The following ABCC9 variants were observed in gnomAD, a reference collection of about 807,000 sequenced individuals.
ABCC9 encodes the protein ATP-binding cassette sub-family C member 9.
ABCC9 carries 95 observed loss-of-function variants against 188.3 expected under a neutral mutation model. That is an observed-to-expected ratio of 0.50 (90% CI 0.43 to 0.60). The LOEUF (loss-of-function observed/expected upper bound fraction) is 0.60. Ranked by LOEUF, ABCC9 falls within the 20% of genes least tolerant of loss-of-function variation. The probability of loss-of-function intolerance (pLI) is 0.00; values close to 1 mark genes in which losing one functional copy is unlikely to be tolerated. For synonymous variants in ABCC9, 659 were observed against 652.7 expected, an observed-to-expected ratio of 1.01 and a Z score of -0.15; for missense variants, 1,102 against 1,876.3, an observed-to-expected ratio of 0.59 and a Z score of 7.62.
Position 21,852,130 on chromosome 12 carries a change from T to G in ABCC9, c.2736A>C (p.Thr912=). 1 of 1,613,720 alleles carries G rather than the reference T, an allele frequency of 6.2e-7. No individual in the cohort carries two copies. Among genetic ancestry groups the G allele is most frequent in the Non-Finnish European group, 8.5e-7 (1 of 1,179,866 alleles). Residue 912 remains threonine (T), a synonymous_variant, in exon 24 of 40, where the codon ACA becomes ACC. Coordinates refer to ENST00000261200, the MANE Select transcript of ABCC9 (RefSeq NM_020297.4). ...ATTCTTGATCTTGCCGATTCATAAGTGTTTTCCAGTGTTCATAAAGCTCAA... is the reference window on the plus strand; with the variant it reads ...ATTCTTGATCTTGCCGATTCATAAGGGTTTTCCAGTGTTCATAAAGCTCAA... ...KDVELYEHWK[T]LMNRQDQELE... is the part of the protein sequence containing the mutation.
intron 39 of ABCC9, chr12:21,805,031 C>G (rs1015626827): frequency 7.3e-6 from 9 of 1,231,142 alleles, no homozygotes; most frequent in Admixed American, 1.8e-5. Flanking sequence ...CTTGGTTGAG[C>G]TGATTTTGTA....
At chr12:21,885,753 C>T (rs979343880) in intron 15 of ABCC9, among the ~76,000 whole-genome samples, 6 of 152,060 alleles carry the variant, frequency 3.9e-5, no homozygotes, top group Non-Finnish European at 5.9e-5. Flanking sequence ...AAATCACACC[C>T]GTTCAGTAAA....
Position 21,941,084 on chromosome 12 carries a change from CGA to C in ABCC9, c.-137+114_-137+115del, listed in dbSNP as rs1949665882. The C allele has an allele frequency of 6.6e-6, 1 of 152,186 alleles. No homozygotes were observed. The highest frequency in any genetic ancestry group is 1.5e-5 in the Non-Finnish European group (1 of 68,042). The allele number at this position is 152,186 out of a possible 1,614,324, so 9.4% of individuals were successfully genotyped here. The stretch of plus-strand genomic sequence containing the variant: ...CGCGAAAGCTAAGTGCCGAGAAGTG[CGA>C]GAGAGTGCGAGGGCGTTTTTGGATA... On this transcript the variant is annotated intron_variant, in intron 1 of 39. Transcript: ENST00000261200. The surrounding 1 kb of genome is among the most constrained non-coding windows in gnomAD (Gnocchi z 5.4).
At chr12:21,823,522 T>C (rs1943175142) in intron 31 of ABCC9, among the ~76,000 whole-genome samples, 1 of 152,212 alleles carries the variant, frequency 6.6e-6, no homozygotes. Flanking sequence ...TCTCACAAAA[T>C]AGACTCTTGT....
chr12:21,820,368 C>T (rs1942967125), intron 31 of ABCC9, among the ~76,000 whole-genome samples: 1 of 152,044 alleles, frequency 6.6e-6, no homozygotes, highest in Non-Finnish European at 1.5e-5. Context: ...CAGCTGACTT[C>T]ATCCATCCAT....
Position 21,815,832 on chromosome 12 carries a change from A to G in ABCC9, c.3954T>C (p.Cys1318=). The change falls in exon 34 of 40, where the codon TGT becomes TGC. Residue 1318 remains cysteine (C), a synonymous_variant. Coordinates refer to ENST00000261200, the MANE Select transcript of ABCC9 (RefSeq NM_020297.4). ...QEGEIKIHDL[C]VRYENNLKPV... Reference sequence around the variant, plus strand: ...GTTTCAGATTATTTTCATATCTGACACACAGATCATGTATCTTGATCTCCC... The same window carrying G: ...GTTTCAGATTATTTTCATATCTGACGCACAGATCATGTATCTTGATCTCCC... 1 of 1,613,340 alleles carries G rather than the reference A, an allele frequency of 6.2e-7. No homozygotes were observed. Among genetic ancestry groups the G allele is most frequent in the Non-Finnish European group, 8.5e-7 (1 of 1,179,522 alleles).
intron 16 of ABCC9, among the ~76,000 whole-genome samples, chr12:21,882,384 C>A (rs1946669252): frequency 6.6e-6 from 1 of 152,164 alleles, no homozygotes; most frequent in South Asian, 2.1e-4. Flanking sequence ...GTCTGAGTCT[C>A]CCCTGATTGA....
intron 22 of ABCC9, among the ~76,000 whole-genome samples, chr12:21,858,973 C>T (rs775942556): frequency 6.6e-6 from 1 of 152,094 alleles, no homozygotes; most frequent in Non-Finnish European, 1.5e-5. Context: ...AAATTATAAT[C>T]AACATAACCG....
Position 21,852,091 on chromosome 12 carries a change from A to G in ABCC9, c.2769+6T>C. ...CTCTGAACTCTTCTGAACTATGAGC[A>G]CTTACCTTTTCTAATTCTTGATCTT... On this transcript the variant is annotated splice_donor_region_variant and intron_variant, in intron 24 of 39. Transcript: ENST00000261200. 2 of 1,613,580 alleles carry G rather than the reference A, an allele frequency of 1.2e-6. No homozygotes were observed. Among genetic ancestry groups the G allele is most frequent in the South Asian group, 2.2e-5 (2 of 91,076 alleles).
Position 21,861,118 on chromosome 12 carries a change from C to T in ABCC9, c.2340-63G>A, listed in dbSNP as rs1945482795. On this transcript the variant is annotated intron_variant, in intron 20 of 39. Coordinates refer to ENST00000261200, the MANE Select transcript of ABCC9 (RefSeq NM_020297.4). ...TAATACATTGTCCATAAACTAAGTG[C>T]CAAATTCAATACTTTGGAAGTTGAA... 3.1e-6 allele frequency: 4 copies of T among 1,296,154 alleles called. No homozygotes were observed. In the African/African-American group the frequency reaches 4.4e-5, roughly 14 times the overall value. The allele number at this position is 1,296,154 out of a possible 1,614,324, so 80.3% of individuals were successfully genotyped here.
chr12:21,800,947 G>A lies in ABCC9; in HGVS notation c.*97C>T. 1 of 1,459,494 alleles carries A rather than the reference G, an allele frequency of 6.9e-7. No individual in the cohort carries two copies. The highest frequency in any genetic ancestry group is 2.3e-5 in the East Asian group (1 of 43,340). 90.4% of individuals were successfully genotyped at this position (1,459,494 alleles called of 1,614,324 possible). On this transcript the variant is annotated 3_prime_UTR_variant, in exon 40 of 40. Transcript: ENST00000261200. ...ACTTTTTGTGCAAAAATCTGTAAAA[G>A]TTTTAAGATGCCACTTTACAGAGGT...
intron 30 of ABCC9, among the ~76,000 whole-genome samples, chr12:21,834,895 G>A (rs1176517204): frequency 6.6e-6 from 1 of 151,348 alleles, no homozygotes; most frequent in Non-Finnish European, 1.5e-5. Flanking sequence ...TCATAGGATA[G>A]TTGATCTTTA....
At chr12:21,801,285 T>G in intron 39 of ABCC9, 104 bp from the exon 40 acceptor site, 1 of 1,465,510 alleles carries the variant, frequency 6.8e-7, no homozygotes, top group Non-Finnish European at 9.4e-7. Context: ...TTTGTTTATC[T>G]TGGTGAGTGA....
At chr12:21,913,818 A>G (rs1948426589) in intron 7 of ABCC9, among the ~76,000 whole-genome samples, 1 of 152,166 alleles carries the variant, frequency 6.6e-6, no homozygotes, top group Non-Finnish European at 1.5e-5. Flanking sequence ...CATTGTGACA[A>G]GGAAGTCAAC....
At chr12:21,898,491 C>G (rs1947540899) in intron 12 of ABCC9, among the ~76,000 whole-genome samples, 1 of 152,130 alleles carries the variant, frequency 6.6e-6, no homozygotes, top group South Asian at 2.1e-4. Context: ...AACTTTATGT[C>G]TAATGTATCA....
intron 39 of ABCC9, chr12:21,805,381 GTTT>G: frequency 6.7e-7 from 1 of 1,490,920 alleles, no homozygotes; most frequent in Non-Finnish European, 9.3e-7. Flanking sequence ...TTAAAAAATA[GTTT>G]TTATTAAGCA....
At chr12:21,887,486 G>T (rs1447183044) in intron 15 of ABCC9, among the ~76,000 whole-genome samples, 1 of 152,250 alleles carries the variant, frequency 6.6e-6, no homozygotes, top group South Asian at 2.1e-4. Context: ...AAACTATAAA[G>T]TGTAGTATAG....
chr12:21,908,688 T>C (rs1948161992), intron 10 of ABCC9, among the ~76,000 whole-genome samples: 1 of 152,116 alleles, frequency 6.6e-6, no homozygotes, highest in African/African-American at 2.4e-5. Context: ...AGAGGATGGT[T>C]GTCTGTGGAC....
At chr12:21,826,265 T>TA (rs4148676) in intron 31 of ABCC9, among the ~76,000 whole-genome samples, 1,730 of 146,228 alleles carry the variant, frequency 0.012, 10 homozygotes, top group Middle Eastern at 0.031. Context: ...TTCATTACTT[T>TA]AAAAAAAAAA....
Sources: allele counts gnomAD v4.1 joint callset (sites outside exome capture counted in the v4.1 genomes callset), GRCh38; gene constraint gnomAD v4.1.1; non-coding constraint Gnocchi (gnomAD v3.1); transcripts MANE v1.5; gene names NCBI Gene and HGNC (gene_info 2026-07-23, HGNC 2026-07-21).